ZNF362: variants seen among roughly 807,000 people sequenced by gnomAD.
The protein encoded by ZNF362 is rotund homolog.
Under a neutral mutation model 42.9 loss-of-function variants are expected in ZNF362, and 11 were observed. That is an observed-to-expected ratio of 0.26 (90% CI 0.16 to 0.42). The LOEUF is 0.42. Among genes scored for constraint, ZNF362 ranks in the 20% least tolerant of loss-of-function variants. ZNF362 has a pLI of 1.00. For synonymous variants in ZNF362, 255 were observed against 257.3 expected, an observed-to-expected ratio of 0.99 and a Z score of 0.09; for missense variants, 362 against 576.2, an observed-to-expected ratio of 0.63 and a Z score of 3.81.
At chr1:33,226,292 T>C in the ZNF362 span, among the ~76,000 whole-genome samples, 8 of 152,202 alleles carry the variant, frequency 5.3e-5, no homozygotes, top group African/African-American at 1.9e-4. Context: ...CTGAAGGGCA[T>C]AGAGCTAAGA....
intron 4 of ZNF362, among the ~76,000 whole-genome samples, chr1:33,276,948 A>C (rs1003762276): frequency 6.6e-6 from 1 of 152,260 alleles, no homozygotes; most frequent in African/African-American, 2.4e-5. Flanking sequence ...GTAAGAGAAG[A>C]CTTCCTTGGA....
At chr1:33,202,537 G>T in the ZNF362 span, among the ~76,000 whole-genome samples, 2 of 151,172 alleles carry the variant, frequency 1.3e-5, no homozygotes, top group Non-Finnish European at 2.9e-5. Flanking sequence ...GGCGGGGCTT[G>T]CAGTGAGCCG....
the ZNF362 span, chr1:33,145,547 C>A: frequency 5.8e-6 from 1 of 173,014 alleles, no homozygotes; most frequent in Admixed American, 5.9e-5. Context: ...CCAAGGGAGG[C>A]CCGGGTGGCG....
chr1:33,290,013 A>T (rs1210439776), intron 6 of ZNF362, among the ~76,000 whole-genome samples: 1 of 152,206 alleles, frequency 6.6e-6, no homozygotes, highest in Non-Finnish European at 1.5e-5. Context: ...TAGAGGGAAC[A>T]GCTTGGATAA....
intron 6 of ZNF362, among the ~76,000 whole-genome samples, chr1:33,283,031 T>C (rs1250862049): frequency 1.3e-5 from 2 of 152,194 alleles, no homozygotes; most frequent in Non-Finnish European, 2.9e-5. Context: ...AATATCAGCA[T>C]TGTAAAAGTC....
chr1:33,264,647 A>T (rs1645853510), intron 1 of ZNF362, among the ~76,000 whole-genome samples: 1 of 152,166 alleles, frequency 6.6e-6, no homozygotes, highest in Non-Finnish European at 1.5e-5. Context: ...TTAAGGGTCC[A>T]GGAGCCCAGA....
chr1:33,160,061 C>T, the ZNF362 span: 13 of 1,329,200 alleles, frequency 9.8e-6, no homozygotes, highest in East Asian at 1.2e-4. Context: ...AAAGGGCACG[C>T]GTGGTGGGGG....
the ZNF362 span, among the ~76,000 whole-genome samples, chr1:33,178,628 T>TCTTTTGTGAA: frequency 6.6e-6 from 1 of 152,210 alleles, no homozygotes; most frequent in South Asian, 2.1e-4. Flanking sequence ...ACAAAAGTCC[T>TCTTTTGTGAA]GGTAGGAAGG....
chr1:33,226,559 C>A, the ZNF362 span, among the ~76,000 whole-genome samples: 1 of 152,076 alleles, frequency 6.6e-6, no homozygotes, highest in Admixed American at 6.6e-5. Context: ...TATGGATGGA[C>A]CTTGAAAACG....
At chr1:33,135,095 G>A in the ZNF362 span, among the ~76,000 whole-genome samples, 2 of 152,274 alleles carry the variant, frequency 1.3e-5, no homozygotes, top group African/African-American at 2.4e-5. Context: ...AGACCAGCCT[G>A]GCCAACATGG....
the ZNF362 span, chr1:33,147,500 G>A: frequency 6.2e-7 from 1 of 1,613,170 alleles, no homozygotes; most frequent in Non-Finnish European, 8.5e-7. The surrounding 1 kb of genome is among the most constrained non-coding windows in gnomAD (Gnocchi z 8.1). Context: ...GCGGCTTCGT[G>A]TGCCAGCCCG....
chr1:33,177,082 CATGCACAA>C, the ZNF362 span, among the ~76,000 whole-genome samples: 38 of 151,262 alleles, frequency 2.5e-4, no homozygotes, highest in East Asian at 1.4e-3. This position sits in a 1 kb window ranked among gnomAD's most constrained non-coding sequence, Gnocchi z 4.1. Context: ...CACACACATG[CATGCACAA>C]ATGCACACAC....
At chr1:33,187,634 T>A in the ZNF362 span, among the ~76,000 whole-genome samples, 1 of 152,130 alleles carries the variant, frequency 6.6e-6, no homozygotes, top group Non-Finnish European at 1.5e-5. Flanking sequence ...CTGTTCAGAA[T>A]CTCCTTTCTT....
At chr1:33,181,472 G>T in the ZNF362 span, 1 of 1,543,156 alleles carries the variant, frequency 6.5e-7, no homozygotes, top group Admixed American at 2.0e-5. This position sits in a 1 kb window ranked among gnomAD's most constrained non-coding sequence, Gnocchi z 6.5. Flanking sequence ...GAGGGGCAGG[G>T]GGGCGGCTGA....
the ZNF362 span, among the ~76,000 whole-genome samples, chr1:33,160,983 G>A: frequency 6.6e-6 from 1 of 152,214 alleles, no homozygotes; most frequent in Non-Finnish European, 1.5e-5. Context: ...AAGGGCACAG[G>A]TTTGGTGCCT....
At chr1:33,260,240 A>G (rs1343490816) in intron 1 of ZNF362, among the ~76,000 whole-genome samples, 1 of 152,254 alleles carries the variant, frequency 6.6e-6, no homozygotes, top group African/African-American at 2.4e-5. Flanking sequence ...AAGAAAAAAT[A>G]TCTGAAGTAC....
At chr1:33,232,111 C>T in the ZNF362 span, among the ~76,000 whole-genome samples, 1,928 of 152,150 alleles carry the variant, frequency 0.013, 32 homozygotes, top group African/African-American at 0.043. Flanking sequence ...GCATGAGTCA[C>T]GATTGGTCTA....
chr1:33,224,048 T>A, the ZNF362 span, among the ~76,000 whole-genome samples: 1 of 152,126 alleles, frequency 6.6e-6, no homozygotes, highest in Non-Finnish European at 1.5e-5. Flanking sequence ...TCAAATTATC[T>A]CTACATTTTT....
chr1:33,172,397 T>C, the ZNF362 span, among the ~76,000 whole-genome samples: 4 of 149,916 alleles, frequency 2.7e-5, no homozygotes, highest in African/African-American at 9.9e-5. Context: ...GAAGTCGGGG[T>C]GGTTGGGGAT....
Sources: allele counts gnomAD v4.1 joint callset (sites outside exome capture counted in the v4.1 genomes callset), GRCh38; gene constraint gnomAD v4.1.1; non-coding constraint Gnocchi (gnomAD v3.1); transcripts MANE v1.5; gene names NCBI Gene and HGNC (gene_info 2026-07-23, HGNC 2026-07-21).